MYH3: variants seen among roughly 807,000 people sequenced by gnomAD.
MYH3 encodes the protein myosin-3.
MYH3 carries 130 observed loss-of-function variants against 238.0 expected under a neutral mutation model. That is an observed-to-expected ratio of 0.55 (90% confidence interval 0.47 to 0.63). The LOEUF (loss-of-function observed/expected upper bound fraction) is 0.63. Among genes scored for constraint, MYH3 ranks in the 30% least tolerant of loss-of-function variants. The probability of loss-of-function intolerance (pLI) is 0.00; values close to 1 mark genes in which losing one functional copy is unlikely to be tolerated. For missense variants in MYH3, 1,853 were observed against 2,374.9 expected (o/e 0.78, Z 4.57); for synonymous variants, 880 against 924.1 (o/e 0.95, Z 0.86).
chr17:10,636,216 G>T (rs773399557), intron 28 of MYH3, among the ~76,000 whole-genome samples: 10 of 149,208 alleles, frequency 6.7e-5, no homozygotes, highest in Non-Finnish European at 8.9e-5. Context: ...AGCTACTTGG[G>T]AGGCTGAGGC....
rs778279264 is a variant in MYH3 at position 10,639,499 on chromosome 17, T to C, written c.2926-25A>G. On this transcript the variant is annotated intron_variant, in intron 23 of 40. Transcript: ENST00000583535. Reference sequence around the variant, plus strand: ...CCTAAGAAGAATTCGCAAGCAATTATAAGCTTAAAGTTTAGTTTGCAATGA... The same window carrying C: ...CCTAAGAAGAATTCGCAAGCAATTACAAGCTTAAAGTTTAGTTTGCAATGA... 3.1e-6 allele frequency: 5 copies of C among 1,614,138 alleles called. No homozygotes were observed. In the South Asian group the frequency reaches 3.3e-5, roughly 11 times the overall value.
chr17:10,642,447 G>A lies in MYH3; in HGVS notation c.1858C>T (p.His620Tyr). The A allele has an allele frequency of 1.2e-6, 2 of 1,614,210 alleles. No individual in the cohort carries two copies. The highest frequency in any genetic ancestry group is 8.5e-7 in the Non-Finnish European group (1 of 1,180,036). The change falls in exon 16 of 41, where the codon CAC becomes TAC. Residue 620 changes from histidine to tyrosine, a missense_variant. His to Tyr is a moderately conservative substitution (Grantham distance 83). Coordinates refer to ENST00000583535, the MANE Select transcript of MYH3 (RefSeq NM_002470.4). This position sits in a 1 kb window ranked among gnomAD's most constrained non-coding sequence, Gnocchi z 5.4. ...GCCGTGGCAAACGTGGCATAGAGGT[G>A]TGCCAGGAGCCTGTTGGAAGACTTC... ...YQKSSNRLLA[H>Y]LYATFATADA...
Position 10,642,145 on chromosome 17 carries a change from A to T in MYH3, c.1959+95T>A. Reference sequence around the variant, plus strand: ...ACAGTAATCAGATTAAGACAACACTACTACTCTCAAATAAATCAAGCTTAG... The same window carrying T: ...ACAGTAATCAGATTAAGACAACACTTCTACTCTCAAATAAATCAAGCTTAG... On this transcript the variant is annotated intron_variant, in intron 17 of 40. Coordinates refer to ENST00000583535, the MANE Select transcript of MYH3 (RefSeq NM_002470.4). The surrounding 1 kb of genome is among the most constrained non-coding windows in gnomAD (Gnocchi z 5.4). The T allele has an allele frequency of 8.8e-7, 1 of 1,136,186 alleles. No individual in the cohort carries two copies. The highest frequency in any genetic ancestry group is 1.3e-6 in the Non-Finnish European group (1 of 764,448). The allele number at this position is 1,136,186 out of a possible 1,614,324, so 70.4% of individuals were successfully genotyped here.
rs752157498 is a variant in MYH3 at position 10,630,898 on chromosome 17, CTG to C, written c.5287-442_5287-441del. On this transcript the variant is annotated intron_variant, in intron 36 of 40. Coordinates refer to ENST00000583535, the MANE Select transcript of MYH3 (RefSeq NM_002470.4). ...GAAAGAAAAAGGACAACGGGTGAGA[CTG>C]TGATGAAGCACACTCTGCCACCCTG... Among the ~76,000 whole-genome samples the C allele has an allele frequency of 1.7e-4, 26 of 152,214 alleles. 1 individual carries two copies. In the East Asian group the frequency reaches 2.9e-3, roughly 17 times the overall value.
rs2074344857 is a variant in MYH3 at position 10,648,542 on chromosome 17, C to G, written c.735+15G>C. The G allele has an allele frequency of 3.1e-6, 5 of 1,609,986 alleles. No individual in the cohort carries two copies. In the East Asian group the frequency reaches 8.9e-5, roughly 29 times the overall value. On this transcript the variant is annotated intron_variant, in intron 8 of 40. Coordinates refer to ENST00000583535, the MANE Select transcript of MYH3 (RefSeq NM_002470.4). Reference sequence around the variant, plus strand: ...GGCACAAAGCAAATTCCATCTTAACCAAACTCAGACTCACAAAACGGGAGG... The same window carrying G: ...GGCACAAAGCAAATTCCATCTTAACGAAACTCAGACTCACAAAACGGGAGG...
At chr17:10,670,991 GTGA>G in the MYH3 span, among the ~76,000 whole-genome samples, 26 of 152,226 alleles carry the variant, frequency 1.7e-4, no homozygotes, top group African/African-American at 6.3e-4. This position sits in a 1 kb window ranked among gnomAD's most constrained non-coding sequence, Gnocchi z 7.0. Context: ...CTGGATTCAA[GTGA>G]TTCTCCTGCC....
At chr17:10,655,407 C>G (rs935891752) in intron 2 of MYH3, among the ~76,000 whole-genome samples, 22 of 152,212 alleles carry the variant, frequency 1.4e-4, no homozygotes, top group Non-Finnish European at 2.9e-5. Flanking sequence ...GCTTCTGTGA[C>G]AACCAGGTGT....
Position 10,639,393 on chromosome 17 carries a change from C to A in MYH3, c.3007G>T (p.Ala1003Ser), listed in dbSNP as rs777731765. The A allele has an allele frequency of 6.2e-7, 1 of 1,614,084 alleles. No homozygotes were observed. The highest frequency in any genetic ancestry group is 1.7e-5 in the Admixed American group (1 of 60,016). ...LTREKKALQE[A>S]HQQALDDLQA... ...AGGTCATCCAAGGCCTGCTGGTGCG[C>A]CTCTTGGAGGGCCTTCTTCTCTCTG... is the stretch of plus-strand genomic sequence containing the variant. Residue 1003 changes from alanine to serine, a missense_variant, in exon 24 of 41, where the codon GCG (alanine) becomes TCG (serine). Around this residue, in one of 3 missense-constraint regions of MYH3, gnomAD observed 1,044 missense variants for 1,192.6 expected, o/e 0.88. Transcript: ENST00000583535.
chr17:10,671,722 G>C, the MYH3 span, among the ~76,000 whole-genome samples: 1 of 151,744 alleles, frequency 6.6e-6, no homozygotes, highest in African/African-American at 2.4e-5. Context: ...TGGGACTATA[G>C]GCACCGGCCA....
At chr17:10,664,353 T>C in the MYH3 span, among the ~76,000 whole-genome samples, 5 of 152,086 alleles carry the variant, frequency 3.3e-5, no homozygotes, top group African/African-American at 9.7e-5. Flanking sequence ...AGAAACTTGC[T>C]TGGGGTAGGT....
At chr17:10,673,538 C>T in the MYH3 span, 19 of 152,268 alleles carry the variant, frequency 1.2e-4, no homozygotes, top group Non-Finnish European at 2.2e-4. Flanking sequence ...GCAGGGCTCT[C>T]TGCCCCACTT....
the MYH3 span, among the ~76,000 whole-genome samples, chr17:10,671,067 T>G: frequency 6.6e-6 from 1 of 152,100 alleles, no homozygotes; most frequent in Non-Finnish European, 1.5e-5. Context: ...ATTTTTTTTG[T>G]ACTTTTAGTA....
intron 6 of MYH3, among the ~76,000 whole-genome samples, chr17:10,649,958 T>C (rs1050229449): frequency 3.3e-5 from 5 of 152,100 alleles, no homozygotes; most frequent in Non-Finnish European, 7.4e-5. Flanking sequence ...ATTTTTTATT[T>C]ATTTATTTTT....
Position 10,635,570 on chromosome 17 carries a change from A to C in MYH3, c.3976-7T>G. 6.2e-7 allele frequency: 1 copy of C among 1,614,232 alleles called. No individual in the cohort carries two copies. Among genetic ancestry groups the C allele is most frequent in the Non-Finnish European group, 8.5e-7 (1 of 1,180,054 alleles). On this transcript the variant is annotated splice_polypyrimidine_tract_variant and splice_region_variant and intron_variant, in intron 29 of 40. Transcript: ENST00000583535. ...GCGCCAGGGCGTTCTTGGCCTGCAG[A>C]AGTTAAAAAGAGAAGAGCACCTGAT... is the stretch of plus-strand genomic sequence containing the variant.
rs2142411151 is a variant in MYH3 at position 10,645,951 on chromosome 17, G to C, written c.980C>G (p.Ala327Gly). The C allele has an allele frequency of 2.5e-6, 4 of 1,613,948 alleles. No homozygotes were observed. In the South Asian group the frequency reaches 4.4e-5, roughly 18 times the overall value. ...TACGTCTGTAGCCAGCAGCTCCTCT[G>C]CATCATCTATGCTGGCCACCAGGAT... is the stretch of plus-strand genomic sequence containing the variant. ...GEILVASIDDAEELLATDSAI... is the reference protein window; with the variant it reads ...GEILVASIDDGEELLATDSAI... Residue 327 changes from alanine (A) to glycine (G), a missense_variant, in exon 11 of 41, where the codon GCA becomes GGA. By Grantham distance (60) the Ala-to-Gly change is moderately conservative (BLOSUM62 0). This residue lies in a region of MYH3 where 678 missense variants were observed against 1,058.9 expected (regional missense o/e 0.64). Transcript: ENST00000583535.
rs768241907 is a variant in MYH3, at chr17:10,640,254, A to G, written c.2427-3T>C. Reference sequence around the variant, plus strand: ...ACTGGATGCAGAAGATGGACTCCCTAAAAACAAGACATTGCTTATTTCTGA... The same window carrying G: ...ACTGGATGCAGAAGATGGACTCCCTGAAAACAAGACATTGCTTATTTCTGA... On this transcript the variant is annotated splice_region_variant and splice_polypyrimidine_tract_variant and intron_variant, in intron 21 of 40. Transcript: ENST00000583535. 1 of 1,614,214 alleles carries G rather than the reference A, an allele frequency of 6.2e-7. No individual in the cohort carries two copies. The highest frequency in any genetic ancestry group is 8.5e-7 in the Non-Finnish European group (1 of 1,180,046).
intron 33 of MYH3, 22 bp from the exon 34 acceptor site, chr17:10,632,806 C>A: frequency 6.2e-7 from 1 of 1,613,504 alleles, no homozygotes; most frequent in South Asian, 1.1e-5. Context: ...AAAAGCAAAT[C>A]AAATAGTGTC....
chr17:10,632,439 G>A, intron 34 of MYH3, 37 bp downstream of exon 34: 1 of 1,601,256 alleles, frequency 6.2e-7, no homozygotes, highest in Non-Finnish European at 8.5e-7. Flanking sequence ...AGTATGTGAG[G>A]AGGAGAGAGG....
rs1161449530 is a variant in MYH3 at position 10,641,022 on chromosome 17, C to T, written c.2165+63G>A. 1.6e-5 allele frequency: 20 copies of T among 1,261,784 alleles called. No homozygotes were observed. In the East Asian group the frequency reaches 4.1e-4, roughly 26 times the overall value. 78.2% of individuals were successfully genotyped at this position (1,261,784 alleles called of 1,614,324 possible). A position where few individuals can be genotyped will look rare whatever the true frequency, so the allele number is the denominator to read the frequency against. ...AGGTCTTTTCATACGAATCTTTCTC[C>T]CTCTCAAATTCCAGTGTTCGTACAT... On this transcript the variant is annotated intron_variant, in intron 19 of 40. Transcript: ENST00000583535.
Sources: allele counts gnomAD v4.1 joint callset (sites outside exome capture counted in the v4.1 genomes callset), GRCh38; gene constraint gnomAD v4.1.1; regional missense constraint gnomAD v4.1.1; non-coding constraint Gnocchi (gnomAD v3.1); transcripts MANE v1.5; gene names NCBI Gene and HGNC (gene_info 2026-07-23, HGNC 2026-07-21).